The following SAMD4A variants were observed in gnomAD, a reference collection of about 807,000 sequenced individuals.
SAMD4A encodes protein Smaug homolog 1.
Under a neutral mutation model 81.3 loss-of-function variants are expected in SAMD4A, and 33 were observed. The ratio of observed to expected loss-of-function variants is 0.41; its 90% confidence interval spans 0.31 to 0.54. The LOEUF (loss-of-function observed/expected upper bound fraction) is 0.54, where lower values mean the gene tolerates loss of function less well. Ranked by LOEUF, SAMD4A falls within the 20% of genes least tolerant of loss-of-function variation. SAMD4A has a pLI of 0.37. For synonymous variants in SAMD4A, 389 were observed against 382.1 expected (o/e 1.02, Z -0.21); for missense variants, 854 against 951.1 (o/e 0.90, Z 1.34).
In SAMD4A at chr14:54,666,514, TTTGG is replaced by T. The variant is rs149830138; in HGVS notation, c.197-35544_197-35541del. 3.5e-3 allele frequency among the ~76,000 whole-genome samples: 540 copies of T among 152,296 alleles called. 1 individual carries two copies. The highest frequency in any genetic ancestry group is 0.012 in the African/African-American group (509 of 41,562). ...GCAAACACGGTATTTTCAATCTGTG[TTTGG>T]TTGAATAAATCCGAGTATAAGTGGC... On this transcript the variant is annotated intron_variant, in intron 2 of 12. Coordinates refer to ENST00000554335, the MANE Select transcript of SAMD4A (RefSeq NM_015589.6).
intron 3 of SAMD4A, among the ~76,000 whole-genome samples, chr14:54,724,055 T>G (rs1453848474): frequency 5.0e-3 from 198 of 39,878 alleles, no homozygotes; most frequent in African/African-American, 0.013. Flanking sequence ...GAAGGAATAA[T>G]GCAGGACGCA....
chr14:54,730,110 A>T (rs543111096), intron 3 of SAMD4A, among the ~76,000 whole-genome samples: 1 of 152,332 alleles, frequency 6.6e-6, no homozygotes, highest in African/African-American at 2.4e-5. Context: ...TTTAAGTGAT[A>T]ATGTGAAGGC....
In SAMD4A at chr14:54,574,591, AC is replaced by A. The variant is rs1170347864; in HGVS notation, c.196+6480del. Among the ~76,000 whole-genome samples the A allele has an allele frequency of 3.3e-5, 5 of 152,096 alleles. No homozygotes were observed. In the East Asian group the frequency reaches 9.7e-4, roughly 29 times the overall value. Reference sequence around the variant, plus strand: ...TGGTGAGTGGAGAATCAATCCCAACACTCTATGATTTCCAGTATATTTAAAG... The same window carrying A: ...TGGTGAGTGGAGAATCAATCCCAACATCTATGATTTCCAGTATATTTAAAG... On this transcript the variant is annotated intron_variant, in intron 2 of 12. Coordinates refer to ENST00000554335, the MANE Select transcript of SAMD4A (RefSeq NM_015589.6).
At chr14:54,726,663 C>T (rs1020784381) in intron 3 of SAMD4A, among the ~76,000 whole-genome samples, 1 of 152,152 alleles carries the variant, frequency 6.6e-6, no homozygotes, top group Non-Finnish European at 1.5e-5. Flanking sequence ...TTGACCCTGG[C>T]TATCGATTAA....
chr14:54,726,034 A>G (rs755822031), intron 3 of SAMD4A, among the ~76,000 whole-genome samples: 2 of 151,960 alleles, frequency 1.3e-5, no homozygotes, highest in Non-Finnish European at 2.9e-5. Flanking sequence ...CCAAGAGTCA[A>G]CCCTTCTAAC....
At chr14:54,652,061 A>G (rs935400199) in intron 2 of SAMD4A, among the ~76,000 whole-genome samples, 8 of 152,258 alleles carry the variant, frequency 5.3e-5, no homozygotes, top group African/African-American at 1.9e-4. Flanking sequence ...AAAGCACACC[A>G]GAACTTTGCA....
chr14:54,585,437 AT>A (rs1463233729), intron 2 of SAMD4A, among the ~76,000 whole-genome samples: 3 of 152,158 alleles, frequency 2.0e-5, no homozygotes, highest in Non-Finnish European at 4.4e-5. Context: ...CTTTTTAAAA[AT>A]TTTTTAAATT....
At chr14:54,603,558 T>C (rs1451021714) in intron 2 of SAMD4A, among the ~76,000 whole-genome samples, 4 of 152,128 alleles carry the variant, frequency 2.6e-5, no homozygotes, top group Admixed American at 1.3e-4. Context: ...GCCTGTGAAA[T>C]TGATTTTTTT....
At chr14:54,571,689 T>C (rs1231368523) in intron 2 of SAMD4A, among the ~76,000 whole-genome samples, 27 of 152,206 alleles carry the variant, frequency 1.8e-4, no homozygotes, top group Admixed American at 1.6e-3. Flanking sequence ...AAAATGGTGA[T>C]GTTTGAGACA....
chr14:54,792,975 C>A lies in SAMD4A; in HGVS notation c.*4031C>A, dbSNP rs2039284721. 1 of 152,140 alleles carries A rather than the reference C, an allele frequency of 6.6e-6. No individual in the cohort carries two copies. Among genetic ancestry groups the A allele is most frequent in the Non-Finnish European group, 1.5e-5 (1 of 68,036 alleles). 9.4% of individuals were successfully genotyped at this position (152,140 alleles called of 1,614,324 possible). A position where few individuals can be genotyped will look rare whatever the true frequency, so the allele number is the denominator to read the frequency against. ...TGTATTGTACATGCATGCCTTTCGTCCTGTTTTCCTGTATAAAGTTAGTGA... is the reference window on the plus strand; with the variant it reads ...TGTATTGTACATGCATGCCTTTCGTACTGTTTTCCTGTATAAAGTTAGTGA... On this transcript the variant is annotated 3_prime_UTR_variant, in exon 13 of 13. Coordinates refer to ENST00000554335, the MANE Select transcript of SAMD4A (RefSeq NM_015589.6).
chr14:54,662,770 A>G (rs1405767033), intron 2 of SAMD4A, among the ~76,000 whole-genome samples: 3 of 151,970 alleles, frequency 2.0e-5, no homozygotes, highest in African/African-American at 7.3e-5. Context: ...CCTTGTGGCC[A>G]CCTTTGGCTC....
chr14:54,675,751 G>C (rs1388934278), intron 2 of SAMD4A, among the ~76,000 whole-genome samples: 2 of 152,224 alleles, frequency 1.3e-5, no homozygotes, highest in Non-Finnish European at 2.9e-5. Flanking sequence ...AGTGAGGCGA[G>C]AGTCACCCTG....
chr14:54,577,912 G>A (rs996335527), intron 2 of SAMD4A, among the ~76,000 whole-genome samples: 1 of 152,208 alleles, frequency 6.6e-6, no homozygotes, highest in Non-Finnish European at 1.5e-5. Context: ...GTGAGTGGAA[G>A]CTGCTGTTCA....
chr14:54,770,753 C>T (rs564430656), intron 9 of SAMD4A, among the ~76,000 whole-genome samples: 8 of 152,242 alleles, frequency 5.3e-5, no homozygotes, highest in Non-Finnish European at 7.3e-5. Flanking sequence ...GCTTCTTGCA[C>T]GCAGTTAAAA....
intron 2 of SAMD4A, among the ~76,000 whole-genome samples, chr14:54,610,880 A>G (rs1316174408): frequency 6.6e-6 from 1 of 152,206 alleles, no homozygotes; most frequent in Non-Finnish European, 1.5e-5. Flanking sequence ...CTCTCTCAAC[A>G]GCCAATATGC....
At chr14:54,659,546 C>G (rs1006457285) in intron 2 of SAMD4A, among the ~76,000 whole-genome samples, 5 of 152,176 alleles carry the variant, frequency 3.3e-5, no homozygotes, top group African/African-American at 1.2e-4. Flanking sequence ...AATGAATAAT[C>G]AGTCATCAAA....
intron 2 of SAMD4A, among the ~76,000 whole-genome samples, chr14:54,570,828 AG>A (rs1566525857): frequency 6.6e-6 from 1 of 152,200 alleles, no homozygotes; most frequent in Admixed American, 6.5e-5. Flanking sequence ...TTGATGTGTA[AG>A]GCTCTTACCA....
At chr14:54,585,089 C>T (rs898206011) in intron 2 of SAMD4A, among the ~76,000 whole-genome samples, 2 of 152,096 alleles carry the variant, frequency 1.3e-5, no homozygotes, top group African/African-American at 4.8e-5. Context: ...ACATACTGTA[C>T]AGTGGTATGT....
intron 2 of SAMD4A, among the ~76,000 whole-genome samples, chr14:54,649,682 T>A (rs1339128618): frequency 6.6e-6 from 1 of 152,238 alleles, no homozygotes. Flanking sequence ...TGGGGTTGAA[T>A]AACACAGTGG....
Sources: allele counts gnomAD v4.1 joint callset (sites outside exome capture counted in the v4.1 genomes callset), GRCh38; gene constraint gnomAD v4.1.1; transcripts MANE v1.5; gene names NCBI Gene and HGNC (gene_info 2026-07-23, HGNC 2026-07-21).